CECR2: variants seen among roughly 807,000 people sequenced by gnomAD.
CECR2 encodes the protein chromatin remodeling regulator CECR2.
CECR2 carries 30 observed loss-of-function variants against 154.5 expected under a neutral mutation model. The observed-to-expected ratio is 0.19, with a 90% CI of 0.15 to 0.26. The LOEUF is 0.26. CECR2 is among the 10% of genes least tolerant of loss of function. CECR2 has a pLI of 1.00. For missense variants in CECR2, 1,743 were observed against 1,829.3 expected (o/e 0.95, Z 0.86); for synonymous variants, 725 against 683.7 (o/e 1.06, Z -0.94).
chr22:17,517,738 T>C (rs550789368), intron 8 of CECR2, among the ~76,000 whole-genome samples: 1 of 152,350 alleles, frequency 6.6e-6, no homozygotes, highest in Admixed American at 6.5e-5. Context: ...AGGCTTGGCC[T>C]TAAAATGCTA....
chr22:17,514,797 G>A (rs2056020851), intron 8 of CECR2, among the ~76,000 whole-genome samples: 1 of 152,148 alleles, frequency 6.6e-6, no homozygotes, highest in Non-Finnish European at 1.5e-5. Flanking sequence ...ACTTTGGGAG[G>A]CCGAGTTGGG....
intron 1 of CECR2, among the ~76,000 whole-genome samples, chr22:17,428,826 G>GTGTGTGTGTGTATATA (rs369291932): frequency 1.9e-4 from 28 of 150,710 alleles, no homozygotes; most frequent in Middle Eastern, 6.8e-3. Context: ...GTGTGTGTGT[G>GTGTGTGTGTGTATATA]TATATAAAGG....
chr22:17,518,647 T>A, intron 8 of CECR2: 1 of 442,770 alleles, frequency 2.3e-6, no homozygotes, highest in South Asian at 1.8e-5. Flanking sequence ...TGCACACAGA[T>A]TGAATTTGCT....
chr22:17,443,097 T>G (rs1006271593), intron 1 of CECR2, among the ~76,000 whole-genome samples: 1 of 152,158 alleles, frequency 6.6e-6, no homozygotes, highest in Non-Finnish European at 1.5e-5. Context: ...TTGTACTGTT[T>G]GCTTCTGAGC....
intron 2 of CECR2, among the ~76,000 whole-genome samples, chr22:17,485,252 G>C (rs1006850581): frequency 6.6e-6 from 1 of 152,204 alleles, no homozygotes; most frequent in African/African-American, 2.4e-5. Context: ...AGGTTACACA[G>C]CTGGTAATTG....
intron 1 of CECR2, among the ~76,000 whole-genome samples, chr22:17,381,939 G>C (rs1014009022): frequency 1.1e-4 from 17 of 151,532 alleles, no homozygotes; most frequent in Admixed American, 2.6e-4. Context: ...CCAGGCTGGA[G>C]TGCAGTGGCA....
chr22:17,555,489 C>A lies in CECR2; in HGVS notation c.*2649C>A, dbSNP rs1020346807. 6 of 152,168 alleles carry A rather than the reference C, an allele frequency of 3.9e-5. No individual in the cohort carries two copies. The highest frequency in any genetic ancestry group is 7.3e-5 in the Non-Finnish European group (5 of 68,068). The allele number at this position is 152,168 out of a possible 1,614,324, so 9.4% of individuals were successfully genotyped here. On this transcript the variant is annotated 3_prime_UTR_variant, in exon 19 of 19. Transcript: ENST00000262608. ...GAAGTGCAGATCTGCTATAAGCTGT[C>A]TGGAGCTGCAAGGTTGCAGGAATCC... is the stretch of plus-strand genomic sequence containing the variant.
chr22:17,512,591 T>C (rs2092640106), intron 8 of CECR2, among the ~76,000 whole-genome samples: 1 of 151,310 alleles, frequency 6.6e-6, no homozygotes, highest in Admixed American at 6.6e-5. Flanking sequence ...TAATCCCAGC[T>C]ACTCGGGAGG....
chr22:17,440,230 G>T (rs2054564720), intron 1 of CECR2, among the ~76,000 whole-genome samples: 1 of 151,852 alleles, frequency 6.6e-6, no homozygotes, highest in African/African-American at 2.4e-5. Flanking sequence ...TGTTGTGGGG[G>T]GTATCTGTAT....
intron 13 of CECR2, among the ~76,000 whole-genome samples, chr22:17,539,791 GCA>G (rs2056493220): frequency 6.6e-6 from 1 of 151,930 alleles, no homozygotes; most frequent in Non-Finnish European, 1.5e-5. Flanking sequence ...TAGTATTTCT[GCA>G]GTTTAGCCTT....
chr22:17,501,591 G>A (rs542411374), intron 5 of CECR2, among the ~76,000 whole-genome samples: 3 of 152,126 alleles, frequency 2.0e-5, no homozygotes, highest in Non-Finnish European at 4.4e-5. Flanking sequence ...CTCAGATCCT[G>A]ATTTTAACTC....
At chr22:17,430,409 A>AC (rs945621898) in intron 1 of CECR2, among the ~76,000 whole-genome samples, 1 of 151,406 alleles carries the variant, frequency 6.6e-6, no homozygotes, top group African/African-American at 2.4e-5. Flanking sequence ...CACTTATTCT[A>AC]CCCCCTAATT....
chr22:17,481,673 A>AC (rs2055321330), intron 2 of CECR2, among the ~76,000 whole-genome samples: 1 of 152,206 alleles, frequency 6.6e-6, no homozygotes, highest in Non-Finnish European at 1.5e-5. Context: ...CTCATGTACG[A>AC]CAGTGGTCAC....
At chr22:17,361,221 C>T (rs1005843596) in intron 1 of CECR2, among the ~76,000 whole-genome samples, 1 of 152,106 alleles carries the variant, frequency 6.6e-6, no homozygotes. Context: ...GGTGCAGTGG[C>T]TCACGTCTAT....
chr22:17,548,067 G>C (rs1261724949), intron 16 of CECR2, 81 bp from the exon 17 acceptor site: 2 of 1,293,426 alleles, frequency 1.5e-6, no homozygotes, highest in African/African-American at 3.0e-5. Context: ...ACCTTAATCT[G>C]ACTCAGGCAT....
At chr22:17,446,068 G>A (rs1028415220) in intron 1 of CECR2, among the ~76,000 whole-genome samples, 1 of 152,062 alleles carries the variant, frequency 6.6e-6, no homozygotes, top group Admixed American at 6.6e-5. Flanking sequence ...TGGATCAATG[G>A]TGCCAGCATC....
At chr22:17,443,233 A>T (rs895363386) in intron 1 of CECR2, among the ~76,000 whole-genome samples, 6 of 152,252 alleles carry the variant, frequency 3.9e-5, no homozygotes, top group African/African-American at 7.2e-5. Flanking sequence ...GCATCCAGTT[A>T]GAGCTGATGT....
intron 2 of CECR2, among the ~76,000 whole-genome samples, chr22:17,494,593 G>C (rs116207014): frequency 6.6e-6 from 1 of 152,174 alleles, no homozygotes; most frequent in African/African-American, 2.4e-5. Context: ...GAACTGTTAC[G>C]CTGCATTTTG....
chr22:17,487,866 TC>T (rs1264199583), intron 2 of CECR2, among the ~76,000 whole-genome samples: 1 of 148,002 alleles, frequency 6.8e-6, no homozygotes, highest in Non-Finnish European at 1.5e-5. Flanking sequence ...ATTCAATTTT[TC>T]ATGTATTTAT....
Sources: allele counts gnomAD v4.1 joint callset (sites outside exome capture counted in the v4.1 genomes callset), GRCh38; gene constraint gnomAD v4.1.1; transcripts MANE v1.5; gene names NCBI Gene and HGNC (gene_info 2026-07-23, HGNC 2026-07-21).